SEMA5A: variants seen among roughly 807,000 people sequenced by gnomAD.
SEMA5A encodes the protein semaphorin-5A.
SEMA5A carries 55 observed loss-of-function variants against 135.5 expected under a neutral mutation model. The observed-to-expected ratio is 0.41, with a 90% confidence interval of 0.33 to 0.51. The LOEUF (loss-of-function observed/expected upper bound fraction) is 0.51. Ranked by LOEUF, SEMA5A falls within the 20% of genes least tolerant of loss-of-function variation. SEMA5A has a pLI of 0.37. For missense variants in SEMA5A, 1,290 were observed against 1,419.9 expected, an observed-to-expected ratio of 0.91 and a Z score of 1.47; for synonymous variants, 580 against 546.5, an observed-to-expected ratio of 1.06 and a Z score of -0.85.
intron 1 of SEMA5A, among the ~76,000 whole-genome samples, chr5:9,460,436 C>T (rs1298960644): frequency 6.6e-6 from 1 of 151,990 alleles, no homozygotes; most frequent in African/African-American, 2.4e-5. Flanking sequence ...ATGAAACAGC[C>T]TATGCAGATA....
At chr5:9,252,854 G>A (rs548294841) in intron 5 of SEMA5A, among the ~76,000 whole-genome samples, 6 of 152,302 alleles carry the variant, frequency 3.9e-5, no homozygotes, top group South Asian at 2.1e-4. Flanking sequence ...GTGAAGAACC[G>A]TGGAAGAGAT....
chr5:9,258,513 G>A (rs1749206027), intron 5 of SEMA5A, among the ~76,000 whole-genome samples: 1 of 152,122 alleles, frequency 6.6e-6, no homozygotes, highest in Non-Finnish European at 1.5e-5. Context: ...CTCCTTAAGT[G>A]TACAAGACAA....
chr5:9,447,650 AAAAATCT>A (rs368005989), intron 1 of SEMA5A, among the ~76,000 whole-genome samples: 3 of 152,200 alleles, frequency 2.0e-5, no homozygotes, highest in African/African-American at 7.2e-5. Context: ...TCGCACAACC[AAAAATCT>A]AATTCTGTTC....
chr5:9,115,571 T>A (rs1002773489), intron 15 of SEMA5A, among the ~76,000 whole-genome samples: 32 of 152,212 alleles, frequency 2.1e-4, no homozygotes, highest in African/African-American at 7.2e-4. Context: ...AACAGACTGA[T>A]GGGAACTACA....
At chr5:9,062,134 T>C (rs1355585658) in intron 18 of SEMA5A, among the ~76,000 whole-genome samples, 1 of 152,078 alleles carries the variant, frequency 6.6e-6, no homozygotes, top group Non-Finnish European at 1.5e-5. Context: ...AAGTTTTAGT[T>C]CCTTTTACAA....
chr5:9,370,285 T>C (rs1321176796), intron 3 of SEMA5A, among the ~76,000 whole-genome samples: 1 of 152,228 alleles, frequency 6.6e-6, no homozygotes, highest in Non-Finnish European at 1.5e-5. Flanking sequence ...TCATTGATTT[T>C]AGTTAGCAGG....
intron 5 of SEMA5A, among the ~76,000 whole-genome samples, chr5:9,238,387 A>C (rs532862658): frequency 6.6e-6 from 1 of 152,348 alleles, no homozygotes; most frequent in South Asian, 2.1e-4. Context: ...TGTAAATGAT[A>C]ATCAATCAAT....
At chr5:9,169,009 C>T (rs1743765220) in intron 11 of SEMA5A, among the ~76,000 whole-genome samples, 2 of 152,108 alleles carry the variant, frequency 1.3e-5, no homozygotes, top group Non-Finnish European at 2.9e-5. Flanking sequence ...ACTGGAACCT[C>T]CTTAAAGTTA....
rs192046966 is a variant in SEMA5A at position 9,453,313 on chromosome 5, C to T, written c.-174-15461G>A. Among the ~76,000 whole-genome samples, 27 of 152,260 alleles carry T rather than the reference C, an allele frequency of 1.8e-4. No homozygotes were observed. In the East Asian group the frequency reaches 4.6e-3, roughly 26 times the overall value. On this transcript the variant is annotated intron_variant, in intron 1 of 22. Coordinates refer to ENST00000382496, the MANE Select transcript of SEMA5A (RefSeq NM_003966.3). ...TCTCCTGACAACAGGCATTCCCAGC[C>T]GAGGTCTGACAAGGCAATCCTATCA...
At chr5:9,350,988 T>A (rs1754088425) in intron 3 of SEMA5A, among the ~76,000 whole-genome samples, 1 of 152,200 alleles carries the variant, frequency 6.6e-6, no homozygotes, top group Admixed American at 6.5e-5. Flanking sequence ...CTTGTGATGA[T>A]AAGCACAGTA....
At chr5:9,248,015 C>T (rs374640002) in intron 5 of SEMA5A, among the ~76,000 whole-genome samples, 6 of 152,230 alleles carry the variant, frequency 3.9e-5, no homozygotes, top group South Asian at 4.2e-4. Context: ...AATAATTTAG[C>T]ATTAAACAGC....
intron 1 of SEMA5A, among the ~76,000 whole-genome samples, chr5:9,445,293 T>C (rs1258402579): frequency 6.6e-6 from 1 of 152,006 alleles, no homozygotes; most frequent in East Asian, 1.9e-4. Context: ...CCAGCTAATA[T>C]TTGATCTAGA....
chr5:9,415,584 AT>A lies in SEMA5A; in HGVS notation c.-78+22171del, dbSNP rs568747473. On this transcript the variant is annotated intron_variant, in intron 2 of 22. Transcript: ENST00000382496. ...AGTATTTTTATAATTTTCTCAACCT[AT>A]TTTTTTTCTTTCAACTGGCGAAGTA... Among the ~76,000 whole-genome samples the A allele has an allele frequency of 2.8e-3, 426 of 152,078 alleles. 3 individuals carry two copies. Among genetic ancestry groups the A allele is most frequent in the Non-Finnish European group, 4.1e-3 (279 of 67,988 alleles).
intron 1 of SEMA5A, among the ~76,000 whole-genome samples, chr5:9,438,679 T>A (rs1245381207): frequency 6.6e-6 from 1 of 152,192 alleles, no homozygotes; most frequent in South Asian, 2.1e-4. Flanking sequence ...ATCTGGTTTT[T>A]CTCTACACTT....
chr5:9,211,874 G>T (rs1046243955), intron 8 of SEMA5A, among the ~76,000 whole-genome samples: 3 of 152,132 alleles, frequency 2.0e-5, no homozygotes, highest in Non-Finnish European at 4.4e-5. Flanking sequence ...CATAAAAAAT[G>T]ATACAGTTGA....
chr5:9,394,138 G>A (rs1450631131), intron 2 of SEMA5A, among the ~76,000 whole-genome samples: 1 of 152,132 alleles, frequency 6.6e-6, no homozygotes, highest in Non-Finnish European at 1.5e-5. Flanking sequence ...AATAAGTGTG[G>A]TATGAACAAC....
intron 4 of SEMA5A, among the ~76,000 whole-genome samples, chr5:9,326,269 G>A (rs1752868864): frequency 6.6e-6 from 1 of 152,172 alleles, no homozygotes; most frequent in Non-Finnish European, 1.5e-5. Context: ...AGTTATGTTT[G>A]AGATGGAGTC....
chr5:9,410,692 C>A (rs1333222009), intron 2 of SEMA5A, among the ~76,000 whole-genome samples: 1 of 152,048 alleles, frequency 6.6e-6, no homozygotes, highest in Non-Finnish European at 1.5e-5. Flanking sequence ...GCGAGCATCA[C>A]ACACCTGGGC....
chr5:9,419,185 G>T (rs898897088), intron 2 of SEMA5A, among the ~76,000 whole-genome samples: 1 of 152,068 alleles, frequency 6.6e-6, no homozygotes, highest in Admixed American at 6.6e-5. Context: ...AGTTTTGAGA[G>T]ATCTTGGCAT....
Sources: allele counts gnomAD v4.1 joint callset (sites outside exome capture counted in the v4.1 genomes callset), GRCh38; gene constraint gnomAD v4.1.1; transcripts MANE v1.5; gene names NCBI Gene and HGNC (gene_info 2026-07-23, HGNC 2026-07-21).